The following PCDHA7 variants were observed in gnomAD, a reference collection of about 807,000 sequenced individuals.
PCDHA7 encodes the protein protocadherin alpha 7, also known as protocadherin alpha-7.
Under a neutral mutation model 57.2 loss-of-function variants are expected in PCDHA7, and 37 were observed. That is an observed-to-expected ratio of 0.65 (90% CI 0.50 to 0.85). The LOEUF (loss-of-function observed/expected upper bound fraction) is 0.85, where lower values mean the gene tolerates loss of function less well. PCDHA7 is among the 40% of genes least tolerant of loss of function. PCDHA7 has a pLI of 0.00. For missense variants in PCDHA7, 1,188 were observed against 1,241.8 expected, an observed-to-expected ratio of 0.96 and a Z score of 0.65; for synonymous variants, 553 against 558.8, an observed-to-expected ratio of 0.99 and a Z score of 0.15.
chr5:140,941,201 TC>T (rs1462646812), intron 1 of PCDHA7, among the ~76,000 whole-genome samples: 2 of 103,500 alleles, frequency 1.9e-5, no homozygotes, highest in African/African-American at 7.9e-5. Context: ...TTTTCTTTCT[TC>T]CTTTCTTTCT....
At chr5:140,972,170 C>G (rs1001419960) in intron 1 of PCDHA7, among the ~76,000 whole-genome samples, 2 of 152,034 alleles carry the variant, frequency 1.3e-5, no homozygotes, top group African/African-American at 4.8e-5. Flanking sequence ...GAGACAGAGT[C>G]TTGGCCTGTC....
At chr5:140,967,060 G>A in intron 1 of PCDHA7, 1 of 1,612,802 alleles carries the variant, frequency 6.2e-7, no homozygotes, top group Non-Finnish European at 8.5e-7. Flanking sequence ...CGAGTGGAGC[G>A]CTCTTCGTCA....
chr5:140,870,852 G>C (rs782301779), intron 1 of PCDHA7: 3 of 1,613,862 alleles, frequency 1.9e-6, no homozygotes, highest in Non-Finnish European at 2.5e-6. Flanking sequence ...TACCGCGGTC[G>C]GTGGGTGCGG....
intron 1 of PCDHA7, chr5:140,875,336 G>T: frequency 7.0e-7 from 1 of 1,438,564 alleles, no homozygotes; most frequent in Non-Finnish European, 9.1e-7. Context: ...GAATAGGATC[G>T]ACTCCATAAT....
At chr5:140,841,330 T>C (rs2150313655) in intron 1 of PCDHA7, 15 of 1,609,434 alleles carry the variant, frequency 9.3e-6, no homozygotes, top group Non-Finnish European at 1.1e-5. Context: ...ACATGGATTA[T>C]CACTGGCGAG....
Position 140,857,722 on chromosome 5 carries a change from C to G in PCDHA7, c.2355+20984C>G, listed in dbSNP as rs371525843. The G allele has an allele frequency of 7.4e-5, 119 of 1,597,430 alleles. 2 individuals carry two copies. The highest frequency in any genetic ancestry group is 6.2e-4 in the East Asian group (28 of 44,824). The stretch of plus-strand genomic sequence containing the variant: ...TGCAGGTGTTCGTGCTGGACGAGAA[C>G]GACAACGCTCCCGCGCTGCTGGCGT... On this transcript the variant is annotated intron_variant, in intron 1 of 3. Transcript: ENST00000525929.
intron 1 of PCDHA7, among the ~76,000 whole-genome samples, chr5:140,943,588 T>C (rs1179171934): frequency 1.3e-5 from 2 of 152,176 alleles, no homozygotes; most frequent in Non-Finnish European, 2.9e-5. Context: ...TGAGTGGGGC[T>C]GAATTCTAAA....
intron 3 of PCDHA7, among the ~76,000 whole-genome samples, chr5:140,994,387 C>T (rs192635308): frequency 1.3e-5 from 2 of 152,174 alleles, no homozygotes; most frequent in East Asian, 1.9e-4. Context: ...GGGACTAAGT[C>T]AGAGATTATT....
intron 1 of PCDHA7, chr5:140,842,493 C>G (rs1554139100): frequency 6.2e-7 from 1 of 1,613,738 alleles, no homozygotes; most frequent in African/African-American, 1.3e-5. Context: ...TCCCTGATGC[C>G]CCATGTCCCC....
chr5:140,926,830 G>T (rs2083580756), intron 1 of PCDHA7: 2 of 1,503,958 alleles, frequency 1.3e-6, no homozygotes, highest in Non-Finnish European at 1.8e-6. Context: ...CAGGAGTCCG[G>T]AGCATGGTCC....
At chr5:140,947,734 C>T (rs2094167568) in intron 1 of PCDHA7, among the ~76,000 whole-genome samples, 1 of 151,286 alleles carries the variant, frequency 6.6e-6, no homozygotes, top group African/African-American at 2.4e-5. Flanking sequence ...TTTTGTAATA[C>T]CTATTCTTAT....
At chr5:140,900,557 G>A (rs1006880033) in intron 1 of PCDHA7, among the ~76,000 whole-genome samples, 1 of 152,160 alleles carries the variant, frequency 6.6e-6, no homozygotes, top group African/African-American at 2.4e-5. Context: ...GATTACAGGC[G>A]TGAGCCACGG....
At chr5:140,883,989 G>C (rs1554180956) in intron 1 of PCDHA7, 1 of 1,612,834 alleles carries the variant, frequency 6.2e-7, no homozygotes, top group Non-Finnish European at 8.5e-7. Flanking sequence ...GGCAGCGCGG[G>C]AGGCACAGTG....
chr5:140,834,576 C>G lies in PCDHA7; in HGVS notation c.193C>G (p.Arg65Gly). 2.5e-6 allele frequency: 4 copies of G among 1,614,098 alleles called. No individual in the cohort carries two copies. The highest frequency in any genetic ancestry group is 2.5e-6 in the Non-Finnish European group (3 of 1,180,008). Residue 65 changes from arginine to glycine, a missense_variant, in exon 1 of 4, where the codon CGG (arginine) becomes GGG (glycine). Physicochemically the swap from Arg to Gly is moderately radical, Grantham distance 125. Transcript: ENST00000525929. ...ELAELVPRLF[R>G]AVCKFRGDLL... ...GGCGGAGCTGGTGCCGCGCCTGTTC[C>G]GGGCGGTGTGCAAATTCCGTGGGGA...
chr5:140,969,343 G>A (rs2096321775), intron 1 of PCDHA7: 23 of 1,613,728 alleles, frequency 1.4e-5, no homozygotes, highest in Non-Finnish European at 1.9e-5. Flanking sequence ...TGAGACAGTG[G>A]TCAGGGGGTC....
chr5:141,000,361 G>C (rs1253295818), intron 3 of PCDHA7, among the ~76,000 whole-genome samples: 2 of 26,450 alleles, frequency 7.6e-5, no homozygotes, highest in Non-Finnish European at 1.2e-4. Context: ...GTCTCTCTCT[G>C]TCTCTCTCTC....
intron 3 of PCDHA7, chr5:140,988,965 TG>T (rs1227130828): frequency 6.6e-6 from 1 of 152,162 alleles, no homozygotes; most frequent in Non-Finnish European, 1.5e-5. Context: ...AGCCCCACGA[TG>T]GAGAGAAGCA....
intron 1 of PCDHA7, among the ~76,000 whole-genome samples, chr5:140,952,559 G>A (rs1185999097): frequency 6.6e-6 from 1 of 152,108 alleles, no homozygotes; most frequent in Non-Finnish European, 1.5e-5. Flanking sequence ...TTCACTATCA[G>A]CACTTCGGTC....
intron 1 of PCDHA7, among the ~76,000 whole-genome samples, chr5:140,904,227 C>G (rs1373458999): frequency 2.6e-5 from 4 of 151,978 alleles, no homozygotes; most frequent in Middle Eastern, 3.2e-3. Context: ...TTGTATTATA[C>G]TTATGCCTTT....
Sources: allele counts gnomAD v4.1 joint callset (sites outside exome capture counted in the v4.1 genomes callset), GRCh38; gene constraint gnomAD v4.1.1; transcripts MANE v1.5; gene names NCBI Gene and HGNC (gene_info 2026-07-23, HGNC 2026-07-21).